The following TMEM178B variants were observed in gnomAD, a reference collection of about 807,000 sequenced individuals.
TMEM178B encodes transmembrane protein 178B.
Under a neutral mutation model 31.0 loss-of-function variants are expected in TMEM178B, and 5 were observed. That is an observed-to-expected ratio of 0.16 (90% CI 0.08 to 0.34). TMEM178B has a LOEUF of 0.34. Among genes scored for constraint, TMEM178B ranks in the 10% least tolerant of loss-of-function variants. The pLI is 1.00. For missense variants in TMEM178B, 275 were observed against 400.3 expected, an observed-to-expected ratio of 0.69 and a Z score of 2.67; for synonymous variants, 164 against 164.0, an observed-to-expected ratio of 1.00 and a Z score of 0.00.
intron 3 of TMEM178B, among the ~76,000 whole-genome samples, chr7:141,460,404 G>A (rs529480924): frequency 6.6e-6 from 1 of 152,218 alleles, no homozygotes; most frequent in Non-Finnish European, 1.5e-5. Context: ...CACCCTAATG[G>A]CCTCATTTTA....
intron 2 of TMEM178B, among the ~76,000 whole-genome samples, chr7:141,426,004 T>C (rs1801309806): frequency 1.3e-5 from 2 of 152,202 alleles, no homozygotes; most frequent in Non-Finnish European, 2.9e-5. Flanking sequence ...TCATTAAACT[T>C]TATTGCTGTG....
At chr7:141,158,277 A>G (rs1417129805) in intron 1 of TMEM178B, among the ~76,000 whole-genome samples, 1 of 152,124 alleles carries the variant, frequency 6.6e-6, no homozygotes, top group East Asian at 1.9e-4. Context: ...TGTATTTTTA[A>G]TAGAGACAGG....
intron 1 of TMEM178B, among the ~76,000 whole-genome samples, chr7:141,136,689 A>G (rs1301285192): frequency 1.3e-5 from 2 of 152,068 alleles, no homozygotes; most frequent in African/African-American, 4.8e-5. Flanking sequence ...ACAAAACAAA[A>G]CAAAAAGCCC....
chr7:141,208,604 C>T (rs905853463), intron 1 of TMEM178B, among the ~76,000 whole-genome samples: 4 of 152,174 alleles, frequency 2.6e-5, no homozygotes, highest in Admixed American at 2.0e-4. Context: ...AAGCAAATAG[C>T]GAGGGCCTGA....
chr7:141,183,222 A>G (rs1020283406), intron 1 of TMEM178B, among the ~76,000 whole-genome samples: 2 of 152,190 alleles, frequency 1.3e-5, no homozygotes, highest in Non-Finnish European at 2.9e-5. Context: ...TTTCAGCAGC[A>G]TGGGGTTAAT....
intron 1 of TMEM178B, among the ~76,000 whole-genome samples, chr7:141,138,798 T>C (rs11771298): frequency 1.3e-5 from 2 of 151,522 alleles, no homozygotes; most frequent in African/African-American, 4.8e-5. Flanking sequence ...CTGGCTAACA[T>C]GGTGAAACCC....
At chr7:141,151,272 C>T (rs956975767) in intron 1 of TMEM178B, among the ~76,000 whole-genome samples, 3 of 152,176 alleles carry the variant, frequency 2.0e-5, no homozygotes, top group African/African-American at 7.2e-5. Flanking sequence ...TGACCTCTCA[C>T]CAGGTCTCAT....
intron 2 of TMEM178B, among the ~76,000 whole-genome samples, chr7:141,354,855 G>A (rs1363065339): frequency 6.6e-6 from 1 of 152,100 alleles, no homozygotes; most frequent in Non-Finnish European, 1.5e-5. Flanking sequence ...ATCTCCTCAG[G>A]ACTCCAGTGT....
chr7:141,233,144 G>C (rs538515328), intron 2 of TMEM178B, among the ~76,000 whole-genome samples: 1 of 152,336 alleles, frequency 6.6e-6, no homozygotes, highest in Admixed American at 6.5e-5. Context: ...AGTCTCTCCT[G>C]TGAACACTGC....
At chr7:141,269,526 A>G (rs1798147471) in intron 2 of TMEM178B, among the ~76,000 whole-genome samples, 1 of 152,242 alleles carries the variant, frequency 6.6e-6, no homozygotes, top group Admixed American at 6.5e-5. Context: ...AATGGCTGAT[A>G]TCATCTCTTA....
At chr7:141,143,913 C>T (rs1158626028) in intron 1 of TMEM178B, among the ~76,000 whole-genome samples, 1 of 152,040 alleles carries the variant, frequency 6.6e-6, no homozygotes, top group Non-Finnish European at 1.5e-5. Flanking sequence ...TTATAGTTCT[C>T]CTTGTAGAGA....
the TMEM178B span, among the ~76,000 whole-genome samples, chr7:141,500,945 G>A: frequency 0.13 from 19,162 of 152,164 alleles, 3,708 homozygotes; most frequent in African/African-American, 0.41. Flanking sequence ...GGCAGCCATG[G>A]AAATAAAGCT....
At chr7:141,354,318 G>T (rs1799782648) in intron 2 of TMEM178B, among the ~76,000 whole-genome samples, 1 of 152,172 alleles carries the variant, frequency 6.6e-6, no homozygotes. Context: ...GAATGTTAAA[G>T]AACTTATGTA....
At chr7:141,258,623 T>C (rs1464231145) in intron 2 of TMEM178B, among the ~76,000 whole-genome samples, 2 of 152,240 alleles carry the variant, frequency 1.3e-5, no homozygotes, top group Non-Finnish European at 2.9e-5. Flanking sequence ...CCTTTATTAT[T>C]TCTTGTAAGG....
intron 1 of TMEM178B, among the ~76,000 whole-genome samples, chr7:141,175,825 T>C (rs1796424648): frequency 6.6e-6 from 1 of 152,242 alleles, no homozygotes; most frequent in African/African-American, 2.4e-5. Flanking sequence ...GAGACTTTGC[T>C]GAAGTTGCTT....
At chr7:141,173,146 C>T (rs944516946) in intron 1 of TMEM178B, 4 of 152,100 alleles carry the variant, frequency 2.6e-5, no homozygotes, top group Admixed American at 6.5e-5. Context: ...TATGATGGAT[C>T]GTGTAACGAA....
intron 1 of TMEM178B, among the ~76,000 whole-genome samples, chr7:141,117,886 A>G (rs934688353): frequency 1.3e-5 from 2 of 152,176 alleles, no homozygotes; most frequent in Non-Finnish European, 2.9e-5. Context: ...TTTTGGTACC[A>G]GTACCATGCT....
chr7:141,432,420 G>T (rs1373999373), intron 2 of TMEM178B, among the ~76,000 whole-genome samples: 1 of 152,174 alleles, frequency 6.6e-6, no homozygotes, highest in Non-Finnish European at 1.5e-5. Flanking sequence ...CTCCCAACGT[G>T]CTGGGATTAC....
intron 3 of TMEM178B, among the ~76,000 whole-genome samples, chr7:141,438,728 T>C (rs1446982746): frequency 2.2e-5 from 1 of 45,206 alleles, no homozygotes; most frequent in African/African-American, 6.7e-5. Context: ...AAAAAAAAAT[T>C]AGCCAGGCAT....
Sources: allele counts gnomAD v4.1 joint callset (sites outside exome capture counted in the v4.1 genomes callset), GRCh38; gene constraint gnomAD v4.1.1; transcripts MANE v1.5; gene names NCBI Gene and HGNC (gene_info 2026-07-23, HGNC 2026-07-21).